Variants in ROCK2 observed in about 807,000 individuals in gnomAD.
ROCK2 encodes the protein Rho associated coiled-coil containing protein kinase 2, also known as rho-associated protein kinase 2.
Under a neutral mutation model 195.1 loss-of-function variants are expected in ROCK2, and 61 were observed. That is an observed-to-expected ratio of 0.31 (90% confidence interval 0.25 to 0.39). The LOEUF (loss-of-function observed/expected upper bound fraction) is 0.39. Ranked by LOEUF, ROCK2 falls within the 10% of genes least tolerant of loss-of-function variation. The probability of loss-of-function intolerance (pLI) is 1.00; values close to 1 mark genes in which losing one functional copy is unlikely to be tolerated. For synonymous variants in ROCK2, 504 were observed against 545.5 expected (o/e 0.92, Z 1.06); for missense variants, 1,109 against 1,637.4 (o/e 0.68, Z 5.57).
At chr2:11,339,536 A>G (rs546704879) in intron 1 of ROCK2, among the ~76,000 whole-genome samples, 18 of 64,158 alleles carry the variant, frequency 2.8e-4, no homozygotes, top group Admixed American at 1.4e-3. Context: ...AACAGAAAAA[A>G]AAAAACAAAA....
At chr2:11,211,286 A>G (rs1664235476) in intron 18 of ROCK2, among the ~76,000 whole-genome samples, 1 of 152,212 alleles carries the variant, frequency 6.6e-6, no homozygotes, top group Admixed American at 6.5e-5. Flanking sequence ...ATTTTATAAT[A>G]CAAAACTCTT....
intron 1 of ROCK2, among the ~76,000 whole-genome samples, chr2:11,306,352 G>C (rs1303510030): frequency 2.6e-5 from 4 of 152,124 alleles, no homozygotes. Context: ...TTTTCTGGGA[G>C]AACTTATTAT....
intron 1 of ROCK2, among the ~76,000 whole-genome samples, chr2:11,342,528 C>T (rs1247734443): frequency 5.3e-5 from 8 of 152,076 alleles, no homozygotes; most frequent in Non-Finnish European, 1.0e-4. Context: ...TTAGCATGAA[C>T]CTGATGAATA....
intron 1 of ROCK2, among the ~76,000 whole-genome samples, chr2:11,314,754 C>T (rs957669438): frequency 6.6e-6 from 1 of 151,840 alleles, no homozygotes; most frequent in Non-Finnish European, 1.5e-5. Context: ...TAAAGCCAGG[C>T]AAATATGATG....
At chr2:11,265,169 C>T (rs1278581307) in intron 3 of ROCK2, among the ~76,000 whole-genome samples, 1 of 152,088 alleles carries the variant, frequency 6.6e-6, no homozygotes, top group African/African-American at 2.4e-5. Flanking sequence ...GTTACAACTG[C>T]TAAAAGAGTG....
chr2:11,323,573 C>A (rs1243126092), intron 1 of ROCK2, among the ~76,000 whole-genome samples: 1 of 152,172 alleles, frequency 6.6e-6, no homozygotes, highest in Non-Finnish European at 1.5e-5. Context: ...GCAACTACCT[C>A]TATACTACCC....
At chr2:11,337,347 G>T (rs1668961009) in intron 1 of ROCK2, among the ~76,000 whole-genome samples, 1 of 150,804 alleles carries the variant, frequency 6.6e-6, no homozygotes, top group African/African-American at 2.4e-5. Context: ...ATATACAAAA[G>T]AACTTCTAAG....
Position 11,344,346 on chromosome 2 carries a change from G to GGCCCT in ROCK2, c.-215_-211dup. ...GGCCCAGCCCGGCCCAGCCCGGCCC[G>GGCCCT]GCCCTGCCGGGAGCGGCGGGGAACA... is the stretch of plus-strand genomic sequence containing the variant. On this transcript the variant is annotated 5_prime_UTR_variant, in exon 1 of 33. Coordinates refer to ENST00000315872, the MANE Select transcript of ROCK2 (RefSeq NM_004850.5). The surrounding 1 kb of genome is among the most constrained non-coding windows in gnomAD (Gnocchi z 5.4). 8.4e-7 allele frequency: 1 copy of GGCCCT among 1,186,266 alleles called. No individual in the cohort carries two copies. The highest frequency in any genetic ancestry group is 1.0e-6 in the Non-Finnish European group (1 of 959,176). The allele number at this position is 1,186,266 out of a possible 1,614,324, so 73.5% of individuals were successfully genotyped here. A position where few individuals can be genotyped will look rare whatever the true frequency, so the allele number is the denominator to read the frequency against.
intron 1 of ROCK2, among the ~76,000 whole-genome samples, chr2:11,291,460 G>T (rs1413118527): frequency 6.6e-6 from 1 of 152,170 alleles, no homozygotes; most frequent in Non-Finnish European, 1.5e-5. Flanking sequence ...TGAGACAGGA[G>T]AATCGCTTGA....
rs868315558 is a variant in ROCK2, at chr2:11,183,427, T to C, written c.*10A>G. On this transcript the variant is annotated 3_prime_UTR_variant, in exon 33 of 33. Transcript: ENST00000315872. ...TCACCTTGAATAATGACTGCTTTCATAGAAGGCAGTTAGCTGAAAAGAAAG... is the reference window on the plus strand; with the variant it reads ...TCACCTTGAATAATGACTGCTTTCACAGAAGGCAGTTAGCTGAAAAGAAAG... 1.3e-5 allele frequency: 20 copies of C among 1,596,968 alleles called. No homozygotes were observed. Among genetic ancestry groups the C allele is most frequent in the Admixed American group, 3.4e-5 (2 of 58,298 alleles).
intron 32 of ROCK2, among the ~76,000 whole-genome samples, chr2:11,183,988 C>T (rs1231413480): frequency 1.3e-5 from 2 of 152,198 alleles, no homozygotes; most frequent in African/African-American, 4.8e-5. Context: ...CTAAAACACA[C>T]ATTATTTCTT....
chr2:11,181,616 C>T lies in ROCK2; in HGVS notation c.*1821G>A, dbSNP rs530827800. 6.7e-6 allele frequency: 1 copy of T among 148,404 alleles called. No homozygotes were observed. Among genetic ancestry groups the T allele is most frequent in the Non-Finnish European group, 1.5e-5 (1 of 67,286 alleles). 9.2% of individuals were successfully genotyped at this position (148,404 alleles called of 1,614,324 possible). A position where few individuals can be genotyped will look rare whatever the true frequency, so the allele number is the denominator to read the frequency against. ...AATGAAAAATGTCTATTTCCTTCAT[C>T]GAAATATTAGATGACTTTTTTTTTT... is the stretch of plus-strand genomic sequence containing the variant. On this transcript the variant is annotated 3_prime_UTR_variant, in exon 33 of 33. Coordinates refer to ENST00000315872, the MANE Select transcript of ROCK2 (RefSeq NM_004850.5).
intron 27 of ROCK2, among the ~76,000 whole-genome samples, chr2:11,195,642 G>A (rs1046798416): frequency 2.6e-5 from 4 of 152,116 alleles, no homozygotes; most frequent in African/African-American, 9.7e-5. Context: ...GGCTTCCCAG[G>A]TAGCTGGGAT....
chr2:11,210,544 T>C (rs1459574927), intron 18 of ROCK2, among the ~76,000 whole-genome samples: 2 of 152,148 alleles, frequency 1.3e-5, no homozygotes, highest in Non-Finnish European at 2.9e-5. Context: ...TCTTGCTATG[T>C]TGCCCATGCC....
rs1196861916 is a variant in ROCK2, at chr2:11,344,477, G to T, written c.-341C>A. ...GGAGCAGGGAAGTGGCGCCGCCACCGCCGCGGCCCGGACCGCCCCGCCCTC... is the reference window on the plus strand; with the variant it reads ...GGAGCAGGGAAGTGGCGCCGCCACCTCCGCGGCCCGGACCGCCCCGCCCTC... On this transcript the variant is annotated 5_prime_UTR_variant, in exon 1 of 33. Coordinates refer to ENST00000315872, the MANE Select transcript of ROCK2 (RefSeq NM_004850.5). The surrounding 1 kb of genome is among the most constrained non-coding windows in gnomAD (Gnocchi z 5.4). The T allele has an allele frequency of 7.0e-6, 7 of 999,416 alleles. No homozygotes were observed. The East Asian group carries it at 4.1e-4, about 59-fold the overall frequency. The allele number at this position is 999,416 out of a possible 1,614,324, so 61.9% of individuals were successfully genotyped here.
At position 11,255,269 on chromosome 2, in the gene ROCK2, T is replaced by C. The variant is rs1001576966; in HGVS notation, c.325-5471A>G. Among the ~76,000 whole-genome samples the C allele has an allele frequency of 2.0e-4, 30 of 147,290 alleles. 1 individual carries two copies. The highest frequency in any genetic ancestry group is 5.3e-4 in the Admixed American group (8 of 14,968). On this transcript the variant is annotated intron_variant, in intron 3 of 32. Coordinates refer to ENST00000315872, the MANE Select transcript of ROCK2 (RefSeq NM_004850.5). Reference sequence around the variant, plus strand: ...AAACATCTTGATCTTTCCACACATCTACATTTACAAAGTATAAAACAGCCT... The same window carrying C: ...AAACATCTTGATCTTTCCACACATCCACATTTACAAAGTATAAAACAGCCT...
intron 1 of ROCK2, among the ~76,000 whole-genome samples, chr2:11,311,112 C>G (rs374362149): frequency 2.2e-4 from 33 of 151,924 alleles, no homozygotes; most frequent in Admixed American, 3.9e-4. Flanking sequence ...ATTCTACTAT[C>G]TAGTACAGTG....
At chr2:11,294,935 A>C (rs1223186937) in intron 1 of ROCK2, among the ~76,000 whole-genome samples, 1 of 151,966 alleles carries the variant, frequency 6.6e-6, no homozygotes, top group African/African-American at 2.4e-5. Context: ...CTACAGGCGC[A>C]TACCACTATG....
chr2:11,258,927 G>T (rs1380674424), intron 3 of ROCK2, among the ~76,000 whole-genome samples: 1 of 150,964 alleles, frequency 6.6e-6, no homozygotes, highest in Non-Finnish European at 1.5e-5. Context: ...TGAGGAGGAA[G>T]AGTTGGATTA....
Sources: gnomAD v4.1 joint callset for allele counts (sites outside exome capture counted in the v4.1 genomes callset) on GRCh38, gnomAD v4.1.1 for gene constraint, Gnocchi (gnomAD v3.1) non-coding constraint, MANE v1.5 for transcripts, NCBI Gene and HGNC (gene_info 2026-07-23, HGNC 2026-07-21) for gene names.